The following CEP290 variants were observed in gnomAD, a reference collection of about 807,000 sequenced individuals.
CEP290 encodes the protein centrosomal protein of 290 kDa.
In CEP290, 317 loss-of-function variants were observed where a neutral mutation model predicts 344.9. The observed-to-expected ratio is 0.92, with a 90% CI of 0.84 to 1.01. CEP290 has a LOEUF of 1.01. Among genes scored for constraint, CEP290 ranks in the 50% least tolerant of loss-of-function variants. The probability of loss-of-function intolerance (pLI) is 0.00; values close to 1 mark genes in which losing one functional copy is unlikely to be tolerated. For missense variants in CEP290, 2,754 were observed against 2,761.4 expected, an observed-to-expected ratio of 1.00 and a Z score of 0.06; for synonymous variants, 932 against 895.8, an observed-to-expected ratio of 1.04 and a Z score of -0.72.
chr12:88,097,610 T>TAC (rs34989046), intron 26 of CEP290, among the ~76,000 whole-genome samples: 89,396 of 144,160 alleles, frequency 0.62, 30,028 homozygotes, highest in Middle Eastern at 0.82. Flanking sequence ...CACACACACA[T>TAC]ACACACACAC....
intron 52 of CEP290, among the ~76,000 whole-genome samples, chr12:88,052,546 T>C (rs1236105476): frequency 6.6e-6 from 1 of 152,160 alleles, no homozygotes; most frequent in Non-Finnish European, 1.5e-5. Context: ...GTATTCTCTA[T>C]CCATAGTAGT....
intron 41 of CEP290, among the ~76,000 whole-genome samples, chr12:88,072,217 C>T (rs533530330): frequency 6.6e-6 from 1 of 152,098 alleles, no homozygotes; most frequent in Non-Finnish European, 1.5e-5. Flanking sequence ...TTATGTTTCA[C>T]ATACACCTTC....
intron 11 of CEP290, among the ~76,000 whole-genome samples, chr12:88,126,833 T>G (rs1204187072): frequency 6.6e-6 from 1 of 152,048 alleles, no homozygotes; most frequent in Non-Finnish European, 1.5e-5. Context: ...AAAGGTATCT[T>G]GTGTTCTTTA....
At chr12:88,057,894 T>C (rs539916664) in intron 49 of CEP290, 5 of 152,336 alleles carry the variant, frequency 3.3e-5, no homozygotes, top group Admixed American at 2.6e-4. Context: ...ACATGGAAGA[T>C]GAAAACCTCA....
intron 25 of CEP290, 94 bp downstream of exon 25, chr12:88,106,577 CTATT>C: frequency 1.4e-6 from 1 of 719,872 alleles, no homozygotes; most frequent in South Asian, 2.2e-5. Context: ...TAAATGTTAA[CTATT>C]AATTCAGGTG....
At chr12:88,101,802 C>T (rs536620457) in intron 26 of CEP290, among the ~76,000 whole-genome samples, 1 of 151,948 alleles carries the variant, frequency 6.6e-6, no homozygotes, top group African/African-American at 2.4e-5. Context: ...GGACAGAGGA[C>T]ATGGAGAATG....
chr12:88,073,310 G>A (rs1236713786), intron 41 of CEP290, among the ~76,000 whole-genome samples: 1 of 152,110 alleles, frequency 6.6e-6, no homozygotes, highest in Admixed American at 6.5e-5. Context: ...ATACCATCAT[G>A]ACCCATCAGT....
At chr12:88,130,607 G>C (rs1385192788) in intron 7 of CEP290, 42 bp from the exon 8 acceptor site, 1 of 1,470,048 alleles carries the variant, frequency 6.8e-7, no homozygotes, top group Non-Finnish European at 9.0e-7. Context: ...AAATGAGAAA[G>C]GTAATACATA....
In CEP290 at chr12:88,130,378, T is replaced by C; in HGVS notation, c.559A>G (p.Ile187Val). 2 of 1,610,738 alleles carry C rather than the reference T, an allele frequency of 1.2e-6. No individual in the cohort carries two copies. The highest frequency in any genetic ancestry group is 1.1e-5 in the South Asian group (1 of 90,360). ...AAAAGTGTTTCTTTCTGTGAATCTA[T>C]TTGTTTCTGGTAGTCAATAATATCC... ...CQDIIDYQKQ[I>V]DSQKETLLSR... The change falls in exon 9 of 54, where the codon ATA becomes GTA. Residue 187 changes from isoleucine to valine, a missense_variant. Coordinates refer to ENST00000552810, the MANE Select transcript of CEP290 (RefSeq NM_025114.4).
intron 27 of CEP290, among the ~76,000 whole-genome samples, chr12:88,096,225 T>C (rs1208564962): frequency 6.6e-6 from 1 of 152,104 alleles, no homozygotes; most frequent in Non-Finnish European, 1.5e-5. Context: ...ATTTTTGTAC[T>C]TTTAGTAGAG....
chr12:88,064,839 A>G (rs1032426253), intron 44 of CEP290, among the ~76,000 whole-genome samples: 2 of 152,102 alleles, frequency 1.3e-5, no homozygotes, highest in Admixed American at 6.6e-5. Flanking sequence ...AAGCCACCAA[A>G]TCTGTAGTAG....
chr12:88,049,648 A>G (rs2033287822), intron 53 of CEP290: 1 of 354,026 alleles, frequency 2.8e-6, no homozygotes, highest in Non-Finnish European at 5.1e-6. Flanking sequence ...GTCTTTGACT[A>G]AAATTTATCA....
intron 6 of CEP290, among the ~76,000 whole-genome samples, chr12:88,131,751 G>T (rs908603511): frequency 1.3e-5 from 2 of 152,014 alleles, no homozygotes; most frequent in Non-Finnish European, 2.9e-5. Context: ...GAATTAAAAA[G>T]AACACACACA....
chr12:88,080,255 G>A lies in CEP290; in HGVS notation c.5153C>T (p.Ala1718Val). ...LQAQKEANSR[A>V]PTTTMRNLVE... is the part of the protein sequence containing the mutation. ...TAGATTTCTCATTGTAGTTGTTGGA[G>A]CTCTTGAATTTGCTTCTTTTTGAGC... The change falls in exon 38 of 54, where the codon GCT becomes GTT. Residue 1718 changes from alanine (A) to valine (V), a missense_variant. Transcript: ENST00000552810. 6.2e-7 allele frequency: 1 copy of A among 1,613,460 alleles called. No individual in the cohort carries two copies. The highest frequency in any genetic ancestry group is 8.5e-7 in the Non-Finnish European group (1 of 1,179,712).
intron 27 of CEP290, among the ~76,000 whole-genome samples, chr12:88,096,667 A>G (rs570110097): frequency 6.6e-6 from 1 of 152,110 alleles, no homozygotes; most frequent in Non-Finnish European, 1.5e-5. Context: ...AACATATATG[A>G]TTTCATTAGA....
intron 6 of CEP290, 21 bp downstream of exon 6, chr12:88,136,622 T>C (rs753562257): frequency 2.5e-5 from 40 of 1,611,540 alleles, no homozygotes; most frequent in Middle Eastern, 1.6e-4. Flanking sequence ...TGAAGATTCA[T>C]GGAAAAAAAA....
chr12:88,112,864 G>T (rs562634639), intron 20 of CEP290, among the ~76,000 whole-genome samples: 85 of 152,126 alleles, frequency 5.6e-4, no homozygotes, highest in African/African-American at 2.0e-3. Context: ...ACAACAAGGT[G>T]GTCTAGTTAG....
intron 34 of CEP290, 126 bp downstream of exon 34, chr12:88,085,913 G>GA: frequency 1.1e-6 from 1 of 871,224 alleles, no homozygotes; most frequent in Non-Finnish European, 1.7e-6. Flanking sequence ...TAGGAGAATA[G>GA]AAAAATAGTG....
chr12:88,071,702 A>C, intron 42 of CEP290, 79 bp downstream of exon 42: 1 of 1,101,976 alleles, frequency 9.1e-7, no homozygotes, highest in Non-Finnish European at 1.3e-6. Flanking sequence ...CATATTATCA[A>C]CTATGATAAA....
Sources: gnomAD v4.1 joint callset for allele counts (sites outside exome capture counted in the v4.1 genomes callset) on GRCh38, gnomAD v4.1.1 for gene constraint, MANE v1.5 for transcripts, NCBI Gene and HGNC (gene_info 2026-07-23, HGNC 2026-07-21) for gene names.